CFAP20DC: variants seen among roughly 807,000 people sequenced by gnomAD.
CFAP20DC encodes the protein CFAP20 domain containing.
CFAP20DC carries 84 observed loss-of-function variants against 101.7 expected under a neutral mutation model. That is an observed-to-expected ratio of 0.83 (90% CI 0.69 to 0.99). The LOEUF (loss-of-function observed/expected upper bound fraction) is 0.99, where lower values mean the gene tolerates loss of function less well. CFAP20DC is among the 50% of genes least tolerant of loss of function. The pLI is 0.00. For missense variants in CFAP20DC, 1,007 were observed against 970.3 expected (o/e 1.04, Z -0.50); for synonymous variants, 359 against 351.2 (o/e 1.02, Z -0.25).
intron 4 of CFAP20DC, among the ~76,000 whole-genome samples, chr3:59,003,733 G>T (rs552404302): frequency 1.2e-4 from 18 of 152,294 alleles, no homozygotes; most frequent in African/African-American, 4.1e-4. Context: ...GGTCAATCCT[G>T]ACTTTGCCAC....
Position 59,047,150 on chromosome 3 carries a change from A to C in CFAP20DC, c.111+15T>G. 6.7e-7 allele frequency: 1 copy of C among 1,493,554 alleles called. No homozygotes were observed. Among genetic ancestry groups the C allele is most frequent in the Non-Finnish European group, 9.0e-7 (1 of 1,109,976 alleles). 92.5% of individuals were successfully genotyped at this position (1,493,554 alleles called of 1,614,324 possible). A position where few individuals can be genotyped will look rare whatever the true frequency, so the allele number is the denominator to read the frequency against. The stretch of plus-strand genomic sequence containing the variant: ...TCTTCCCCTGATTTATGTGGCTCTA[A>C]TTTCTAATACTTACTTTCCAAATCA... On this transcript the variant is annotated intron_variant, in intron 2 of 16. Coordinates refer to ENST00000482387, the MANE Select transcript of CFAP20DC (RefSeq NM_001394063.1).
At chr3:58,808,683 C>A (rs1026614219) in intron 14 of CFAP20DC, among the ~76,000 whole-genome samples, 7 of 152,286 alleles carry the variant, frequency 4.6e-5, no homozygotes, top group Admixed American at 3.9e-4. Flanking sequence ...CAGCTAACAT[C>A]ATAATGACAG....
chr3:58,791,884 C>T (rs1289975815), intron 15 of CFAP20DC, among the ~76,000 whole-genome samples: 3 of 152,110 alleles, frequency 2.0e-5, no homozygotes, highest in Non-Finnish European at 2.9e-5. Context: ...CAAGAAATAA[C>T]GTAGGCCCTT....
At chr3:58,855,373 T>C (rs1224319610) in intron 12 of CFAP20DC, among the ~76,000 whole-genome samples, 1 of 152,116 alleles carries the variant, frequency 6.6e-6, no homozygotes, top group African/African-American at 2.4e-5. Flanking sequence ...ATAGGAACAC[T>C]TTTACACTGT....
chr3:58,813,872 G>A (rs1559631523), intron 14 of CFAP20DC, among the ~76,000 whole-genome samples: 2 of 151,898 alleles, frequency 1.3e-5, no homozygotes, highest in Non-Finnish European at 2.9e-5. Context: ...GGAAAAACAT[G>A]TCATAAGACA....
intron 4 of CFAP20DC, among the ~76,000 whole-genome samples, chr3:59,011,703 CAAGAA>C (rs1490531518): frequency 1.3e-5 from 2 of 151,742 alleles, no homozygotes; most frequent in Admixed American, 6.6e-5. Flanking sequence ...TGAGATTAAC[CAAGAA>C]AAGAAGAGAG....
intron 3 of CFAP20DC, among the ~76,000 whole-genome samples, chr3:59,045,966 A>T (rs993327352): frequency 2.6e-5 from 4 of 152,144 alleles, no homozygotes; most frequent in African/African-American, 9.6e-5. Flanking sequence ...TATTATTATC[A>T]TAATTAATGG....
chr3:58,995,991 T>TATCTATCTATCG (rs1289763037), intron 4 of CFAP20DC, among the ~76,000 whole-genome samples: 3 of 151,762 alleles, frequency 2.0e-5, no homozygotes, highest in African/African-American at 7.3e-5. Flanking sequence ...TCTATCTATC[T>TATCTATCTATCG]ATCTATCTAT....
intron 5 of CFAP20DC, among the ~76,000 whole-genome samples, chr3:58,924,582 G>A (rs1261475642): frequency 1.3e-5 from 2 of 152,062 alleles, no homozygotes; most frequent in African/African-American, 4.8e-5. Flanking sequence ...TTTCCTTAGG[G>A]TAGACATCCA....
At chr3:58,895,985 A>C (rs2082640401) in intron 6 of CFAP20DC, among the ~76,000 whole-genome samples, 1 of 152,178 alleles carries the variant, frequency 6.6e-6, no homozygotes, top group South Asian at 2.1e-4. Context: ...GTTACCTCCT[A>C]CCAGATCCAT....
At chr3:58,752,148 A>T (rs2068619486) in intron 16 of CFAP20DC, among the ~76,000 whole-genome samples, 1 of 152,188 alleles carries the variant, frequency 6.6e-6, no homozygotes, top group Admixed American at 6.5e-5. Flanking sequence ...CATGCCATTA[A>T]CCAAATAGGA....
rs191943074 is a variant in CFAP20DC, at chr3:59,015,639, T to G, written c.278+23918A>C. ...TATCTAATCCTCTAGTTTATTCACATTTACATCACTTTAGGAATTAGTTGC... is the reference window on the plus strand; with the variant it reads ...TATCTAATCCTCTAGTTTATTCACAGTTACATCACTTTAGGAATTAGTTGC... On this transcript the variant is annotated intron_variant, in intron 4 of 16. Coordinates refer to ENST00000482387, the MANE Select transcript of CFAP20DC (RefSeq NM_001394063.1). The surrounding 1 kb of genome is among the most constrained non-coding windows in gnomAD (Gnocchi z 5.4). 2.1e-3 allele frequency among the ~76,000 whole-genome samples: 323 copies of G among 152,176 alleles called. 3 individuals carry two copies. The highest frequency in any genetic ancestry group is 7.5e-3 in the African/African-American group (313 of 41,544).
intron 4 of CFAP20DC, among the ~76,000 whole-genome samples, chr3:59,009,970 G>A (rs1027211536): frequency 1.3e-5 from 2 of 152,154 alleles, no homozygotes; most frequent in Non-Finnish European, 2.9e-5. Flanking sequence ...CTTCATAAAT[G>A]AAGGGGAGAA....
chr3:59,025,245 C>T (rs2109026364), intron 4 of CFAP20DC, among the ~76,000 whole-genome samples: 1 of 152,190 alleles, frequency 6.6e-6, no homozygotes. Flanking sequence ...CTTTTTTCTT[C>T]ATGTTTATGC....
chr3:59,009,514 A>C (rs2093529998), intron 4 of CFAP20DC, among the ~76,000 whole-genome samples: 1 of 152,226 alleles, frequency 6.6e-6, no homozygotes. Flanking sequence ...ATTTAGGGAA[A>C]TACAAAATGC....
chr3:58,793,291 T>G, intron 15 of CFAP20DC, among the ~76,000 whole-genome samples: 1 of 152,160 alleles, frequency 6.6e-6, no homozygotes, highest in South Asian at 2.1e-4. Context: ...ATTCCTTTCC[T>G]AATACATAAT....
At chr3:58,970,618 CA>C (rs1334600783) in intron 4 of CFAP20DC, 2 of 152,104 alleles carry the variant, frequency 1.3e-5, no homozygotes, top group African/African-American at 4.8e-5. Context: ...CTTGTTATGG[CA>C]GCCCTCAGAA....
intron 4 of CFAP20DC, among the ~76,000 whole-genome samples, chr3:58,944,891 TA>T (rs1242005320): frequency 6.6e-6 from 1 of 152,066 alleles, no homozygotes; most frequent in Non-Finnish European, 1.5e-5. Context: ...TTAATTCGTG[TA>T]AAGAAAAAAA....
chr3:58,840,173 G>A (rs1161515036), intron 13 of CFAP20DC, among the ~76,000 whole-genome samples: 1 of 152,172 alleles, frequency 6.6e-6, no homozygotes, highest in Non-Finnish European at 1.5e-5. Context: ...ATCCCCAGCA[G>A]TGCATTGACA....
Sources: gnomAD v4.1 joint callset for allele counts (sites outside exome capture counted in the v4.1 genomes callset) on GRCh38, gnomAD v4.1.1 for gene constraint, Gnocchi (gnomAD v3.1) non-coding constraint, MANE v1.5 for transcripts, NCBI Gene and HGNC (gene_info 2026-07-23, HGNC 2026-07-21) for gene names.